Variants in SPAG16 observed in about 807,000 individuals in gnomAD.
SPAG16 encodes sperm-associated antigen 16 protein.
In SPAG16, 86 loss-of-function variants were observed where a neutral mutation model predicts 80.4. The ratio of observed to expected loss-of-function variants is 1.07; its 90% CI spans 0.90 to 1.28. The LOEUF is 1.28. Ranked by LOEUF, SPAG16 falls within the 50% of genes most tolerant of loss-of-function variation. The probability of loss-of-function intolerance (pLI) is 0.00; values close to 1 mark genes in which losing one functional copy is unlikely to be tolerated. For synonymous variants in SPAG16, 294 were observed against 265.9 expected (o/e 1.11, Z -1.03); for missense variants, 870 against 765.3 (o/e 1.14, Z -1.61).
intron 10 of SPAG16, among the ~76,000 whole-genome samples, chr2:213,514,645 G>A: frequency 8.3e-6 from 1 of 121,016 alleles, no homozygotes; most frequent in Non-Finnish European, 1.6e-5. Flanking sequence ...AGTCCCCAGA[G>A]TGTGATATTC....
chr2:213,340,429 T>C (rs1173787693), intron 6 of SPAG16, among the ~76,000 whole-genome samples, 159 bp downstream of exon 6: 1 of 152,096 alleles, frequency 6.6e-6, no homozygotes, highest in Non-Finnish European at 1.5e-5. Context: ...CAGAAAATAC[T>C]TGTGTGTGTG....
At chr2:213,374,092 G>T (rs1478821610) in intron 8 of SPAG16, among the ~76,000 whole-genome samples, 1 of 152,068 alleles carries the variant, frequency 6.6e-6, no homozygotes, top group Non-Finnish European at 1.5e-5. Context: ...GTAACGTGGG[G>T]TTATGGAACA....
chr2:214,047,335 A>T (rs1325735382), intron 13 of SPAG16, among the ~76,000 whole-genome samples: 1 of 152,178 alleles, frequency 6.6e-6, no homozygotes, highest in Non-Finnish European at 1.5e-5. Context: ...ATACTGGCAT[A>T]AAAGCAGGTA....
intron 13 of SPAG16, among the ~76,000 whole-genome samples, chr2:214,062,530 A>T (rs1297345602): frequency 2.6e-5 from 4 of 151,446 alleles, no homozygotes; most frequent in Non-Finnish European, 5.9e-5. Context: ...ATTTCAATTG[A>T]TGGCAACACA....
At chr2:214,261,131 A>G (rs1404504754) in intron 15 of SPAG16, among the ~76,000 whole-genome samples, 100 of 24,630 alleles carry the variant, frequency 4.1e-3, no homozygotes, top group Non-Finnish European at 6.7e-3. Flanking sequence ...AAAAAAAAAA[A>G]AAAAAAAAAA....
chr2:213,416,558 T>G (rs972435066), intron 9 of SPAG16, among the ~76,000 whole-genome samples: 7 of 152,158 alleles, frequency 4.6e-5, no homozygotes, highest in Non-Finnish European at 1.0e-4. Flanking sequence ...TTTTTCTTTT[T>G]TTGTTACACC....
At chr2:213,537,335 AC>A (rs1364303572) in intron 10 of SPAG16, among the ~76,000 whole-genome samples, 2 of 152,056 alleles carry the variant, frequency 1.3e-5, no homozygotes, top group Non-Finnish European at 2.9e-5. Flanking sequence ...AAACAAACAA[AC>A]AAAAAAAAGC....
chr2:214,126,472 A>G lies in SPAG16; in HGVS notation c.1593+18211A>G, dbSNP rs572997187. The stretch of plus-strand genomic sequence containing the variant: ...AGCCAGGCCTGGTTTATGGTCATCA[A>G]CATGAATCTTGGTATTGTAAACATT... On this transcript the variant is annotated intron_variant, in intron 14 of 15. Transcript: ENST00000331683. Among the ~76,000 whole-genome samples the G allele has an allele frequency of 4.7e-4, 71 of 151,798 alleles. 2 individuals carry two copies. In the South Asian group the frequency reaches 0.014, roughly 29 times the overall value.
chr2:213,790,743 T>A (rs1348597577), intron 10 of SPAG16, among the ~76,000 whole-genome samples: 1 of 152,034 alleles, frequency 6.6e-6, no homozygotes, highest in Admixed American at 6.6e-5. Flanking sequence ...AGAGGTAGAA[T>A]AATGAAGGTA....
intron 9 of SPAG16, among the ~76,000 whole-genome samples, chr2:213,445,498 A>G (rs937356134): frequency 1.3e-5 from 2 of 151,998 alleles, no homozygotes; most frequent in African/African-American, 4.8e-5. Context: ...TCTCTCTACT[A>G]AAAATACAAA....
chr2:214,376,164 A>G (rs1426784186), intron 15 of SPAG16, among the ~76,000 whole-genome samples: 2 of 152,184 alleles, frequency 1.3e-5, no homozygotes, highest in Non-Finnish European at 2.9e-5. Flanking sequence ...TTGAGAAACA[A>G]AATAGAAGCC....
intron 10 of SPAG16, among the ~76,000 whole-genome samples, chr2:213,708,796 A>G (rs1388914899): frequency 2.0e-5 from 3 of 151,898 alleles, no homozygotes; most frequent in African/African-American, 4.8e-5. Context: ...AAAAGGGGGG[A>G]AAAAAGTACT....
intron 13 of SPAG16, among the ~76,000 whole-genome samples, chr2:214,085,945 C>A (rs2051711857): frequency 6.6e-6 from 1 of 152,186 alleles, no homozygotes; most frequent in Admixed American, 6.5e-5. Context: ...CCTTGAACAC[C>A]ATCTTCGCCC....
At chr2:213,454,731 G>A (rs531397681) in intron 9 of SPAG16, among the ~76,000 whole-genome samples, 15 of 152,220 alleles carry the variant, frequency 9.9e-5, no homozygotes, top group Middle Eastern at 3.4e-3. Flanking sequence ...CCCACATGTA[G>A]GGCAGTTTTT....
At chr2:213,383,715 G>A (rs1214401133) in intron 9 of SPAG16, among the ~76,000 whole-genome samples, 1 of 152,132 alleles carries the variant, frequency 6.6e-6, no homozygotes, top group Admixed American at 6.6e-5. Context: ...GCACCAACTA[G>A]CTCCTTTTGC....
At chr2:213,829,377 G>A (rs879881750) in intron 10 of SPAG16, among the ~76,000 whole-genome samples, 1 of 152,076 alleles carries the variant, frequency 6.6e-6, no homozygotes, top group African/African-American at 2.4e-5. Context: ...GCTAGGCCTA[G>A]GACTCGCTCT....
Position 214,250,896 on chromosome 2 carries a change from T to C in SPAG16, c.1720+101630T>C, listed in dbSNP as rs141577838. ...TAATTTTCTCAGATTTTGATTATTTTGATGGTTTGTTCCACTTTATAATGT... is the reference window on the plus strand; with the variant it reads ...TAATTTTCTCAGATTTTGATTATTTCGATGGTTTGTTCCACTTTATAATGT... On this transcript the variant is annotated intron_variant, in intron 15 of 15. Transcript: ENST00000331683. Among the ~76,000 whole-genome samples, 1,067 of 151,106 alleles carry C rather than the reference T, an allele frequency of 7.1e-3. 9 individuals carry two copies. The highest frequency in any genetic ancestry group is 0.025 in the African/African-American group (1,021 of 41,378).
At chr2:213,708,649 T>TA (rs1055452534) in intron 10 of SPAG16, among the ~76,000 whole-genome samples, 17 of 152,042 alleles carry the variant, frequency 1.1e-4, no homozygotes, top group African/African-American at 4.1e-4. Flanking sequence ...AAATCTCTAC[T>TA]AAAAATACAA....
chr2:214,059,222 G>GTATATATA (rs34244219), intron 13 of SPAG16, among the ~76,000 whole-genome samples: 3,139 of 121,002 alleles, frequency 0.026, 92 homozygotes, highest in Non-Finnish European at 0.034. Context: ...ATATGTATGT[G>GTATATATA]TATATATATA....
Sources: gnomAD v4.1 joint callset for allele counts (sites outside exome capture counted in the v4.1 genomes callset) on GRCh38, gnomAD v4.1.1 for gene constraint, MANE v1.5 for transcripts, NCBI Gene and HGNC (gene_info 2026-07-23, HGNC 2026-07-21) for gene names.